CACNA2D3: variants seen among roughly 807,000 people sequenced by gnomAD.
The protein encoded by CACNA2D3 is voltage-dependent calcium channel subunit alpha-2/delta-3.
A neutral mutation model predicts 160.6 loss-of-function variants in CACNA2D3; 60 were observed. The observed-to-expected ratio is 0.37, with a 90% CI of 0.30 to 0.46. CACNA2D3 has a LOEUF of 0.46. CACNA2D3 is among the 20% of genes least tolerant of loss of function. The pLI, the probability that CACNA2D3 is intolerant of heterozygous loss-of-function variation, is 1.00. For missense variants in CACNA2D3, 1,205 were observed against 1,365.0 expected, an observed-to-expected ratio of 0.88 and a Z score of 1.85; for synonymous variants, 558 against 492.9, an observed-to-expected ratio of 1.13 and a Z score of -1.75.
chr3:54,216,319 C>T lies in CACNA2D3; in HGVS notation c.204+92725C>T, dbSNP rs377398405. 5.5e-4 allele frequency among the ~76,000 whole-genome samples: 84 copies of T among 152,332 alleles called. 2 individuals carry two copies. The South Asian group carries it at 0.014, about 25-fold the overall frequency. On this transcript the variant is annotated intron_variant, in intron 2 of 37. Transcript: ENST00000474759. ...AATCTTCTTGCAATAATACACTTCA[C>T]GTTTCAGTGATGTTTAAAAGTGCGT...
intron 2 of CACNA2D3, among the ~76,000 whole-genome samples, chr3:54,278,684 G>A (rs1005826616): frequency 4.6e-5 from 7 of 152,138 alleles, no homozygotes; most frequent in Non-Finnish European, 7.4e-5. Context: ...GTCCTTTGCA[G>A]GGACATGGAT....
At chr3:55,032,503 C>G (rs1021431292) in intron 35 of CACNA2D3, among the ~76,000 whole-genome samples, 3 of 152,158 alleles carry the variant, frequency 2.0e-5, no homozygotes, top group Non-Finnish European at 4.4e-5. Context: ...TTAATCATCT[C>G]TTTCTTAGTC....
chr3:54,133,418 C>T (rs1699756708), intron 2 of CACNA2D3, among the ~76,000 whole-genome samples: 1 of 152,174 alleles, frequency 6.6e-6, no homozygotes, highest in South Asian at 2.1e-4. Flanking sequence ...GAGCTGTTGT[C>T]AGGTCAGAGG....
intron 17 of CACNA2D3, among the ~76,000 whole-genome samples, chr3:54,860,918 C>A (rs1284462763): frequency 1.3e-5 from 2 of 152,176 alleles, no homozygotes; most frequent in Non-Finnish European, 2.9e-5. Context: ...CCTAAAACAT[C>A]TAGAAAAGGC....
intron 9 of CACNA2D3, among the ~76,000 whole-genome samples, chr3:54,599,369 A>G (rs1703020842): frequency 6.6e-6 from 1 of 152,228 alleles, no homozygotes; most frequent in African/African-American, 2.4e-5. Flanking sequence ...TAGATCAAAA[A>G]GTGGTCAAAT....
chr3:54,683,829 C>CT lies in CACNA2D3; in HGVS notation c.1167+41588_1167+41589insT, dbSNP rs576709743. Reference sequence around the variant, plus strand: ...GAAAACTCTAGAGAAGAGTTTGTTCCATGCATTGCTCCTAGCTTCTAGTGG... The same window carrying CT: ...GAAAACTCTAGAGAAGAGTTTGTTCCTATGCATTGCTCCTAGCTTCTAGTGG... On this transcript the variant is annotated intron_variant, in intron 11 of 37. Coordinates refer to ENST00000474759, the MANE Select transcript of CACNA2D3 (RefSeq NM_018398.3). 4.2e-4 allele frequency among the ~76,000 whole-genome samples: 64 copies of CT among 152,252 alleles called. No individual in the cohort carries two copies. In the East Asian group the frequency reaches 0.012, roughly 28 times the overall value.
rs1399648131 is a variant in CACNA2D3, at chr3:54,614,076, G to C, written c.964-13711G>C. Among the ~76,000 whole-genome samples, 3 of 152,332 alleles carry C rather than the reference G, an allele frequency of 2.0e-5. No individual in the cohort carries two copies. The East Asian group carries it at 5.8e-4, about 29-fold the overall frequency. On this transcript the variant is annotated intron_variant, in intron 9 of 37. Coordinates refer to ENST00000474759, the MANE Select transcript of CACNA2D3 (RefSeq NM_018398.3). ...TTGTTCAATTGATCAAGCACAGCAT[G>C]TTGTACTTGGTGGCTTCTTAATAAA...
chr3:54,414,601 T>C (rs1018619049), intron 4 of CACNA2D3, among the ~76,000 whole-genome samples: 2 of 152,096 alleles, frequency 1.3e-5, no homozygotes, highest in African/African-American at 4.8e-5. Context: ...TTATTCCTAA[T>C]TGCATGAATA....
At chr3:54,588,378 G>C (rs1482885066) in intron 9 of CACNA2D3, among the ~76,000 whole-genome samples, 1 of 152,204 alleles carries the variant, frequency 6.6e-6, no homozygotes. Context: ...AACAGGGAAA[G>C]TTTGAAAGCT....
intron 2 of CACNA2D3, among the ~76,000 whole-genome samples, chr3:54,194,477 C>T (rs1701037881): frequency 6.6e-6 from 1 of 152,192 alleles, no homozygotes; most frequent in African/African-American, 2.4e-5. Context: ...CTGTCTCCCA[C>T]CTCCTTGTCT....
At chr3:55,028,357 A>T (rs1327919512) in intron 35 of CACNA2D3, among the ~76,000 whole-genome samples, 1 of 152,196 alleles carries the variant, frequency 6.6e-6, no homozygotes, top group Non-Finnish European at 1.5e-5. Flanking sequence ...TAAGAATGTC[A>T]TTAGGGTTGG....
chr3:54,966,488 C>G (rs1372338286), intron 27 of CACNA2D3, among the ~76,000 whole-genome samples: 1 of 152,202 alleles, frequency 6.6e-6, no homozygotes, highest in African/African-American at 2.4e-5. Flanking sequence ...AGCCATCCCC[C>G]ACCTTGGCTG....
intron 9 of CACNA2D3, 92 bp downstream of exon 9, chr3:54,581,969 A>G: frequency 9.4e-7 from 1 of 1,065,796 alleles, no homozygotes; most frequent in Non-Finnish European, 1.4e-6. Flanking sequence ...TATCAAATGC[A>G]CTGCCCTTTC....
At chr3:54,425,844 C>G (rs1040870910) in intron 4 of CACNA2D3, among the ~76,000 whole-genome samples, 1 of 152,212 alleles carries the variant, frequency 6.6e-6, no homozygotes, top group African/African-American at 2.4e-5. Context: ...CAGACTAAAG[C>G]TTTTGGAGGT....
At chr3:54,276,362 A>C (rs953782102) in intron 2 of CACNA2D3, among the ~76,000 whole-genome samples, 3 of 152,166 alleles carry the variant, frequency 2.0e-5, no homozygotes, top group African/African-American at 7.2e-5. Flanking sequence ...TGAAACCAGG[A>C]GTTCAAGACC....
At chr3:54,827,366 C>T (rs555399463) in intron 14 of CACNA2D3, among the ~76,000 whole-genome samples, 2 of 152,284 alleles carry the variant, frequency 1.3e-5, no homozygotes, top group South Asian at 2.1e-4. Flanking sequence ...GAAAGGTAGG[C>T]GTGTGGATGG....
At chr3:54,791,886 C>A (rs1046302700) in intron 13 of CACNA2D3, among the ~76,000 whole-genome samples, 1 of 152,166 alleles carries the variant, frequency 6.6e-6, no homozygotes, top group Non-Finnish European at 1.5e-5. Flanking sequence ...GCATGTAGGA[C>A]TTTTCACATG....
intron 13 of CACNA2D3, among the ~76,000 whole-genome samples, chr3:54,808,484 G>T (rs941307500): frequency 3.3e-5 from 5 of 152,182 alleles, no homozygotes; most frequent in African/African-American, 4.8e-5. Flanking sequence ...AGTGGGAGAG[G>T]GGTGTAAATG....
rs750904394 is a variant in CACNA2D3, at chr3:54,925,067, A to G, written c.2449+25199A>G. 1.9e-5 allele frequency: 30 copies of G among 1,614,170 alleles called. No homozygotes were observed. The African/African-American group carries it at 3.6e-4, about 19-fold the overall frequency. ...GATTATCTTGTAAATGCAGCGTTCG[A>G]GTCTGAGGAGGTAAATGGGAAGGGA... On this transcript the variant is annotated intron_variant, in intron 27 of 37. Transcript: ENST00000474759.
Sources: allele counts gnomAD v4.1 joint callset (sites outside exome capture counted in the v4.1 genomes callset), GRCh38; gene constraint gnomAD v4.1.1; transcripts MANE v1.5; gene names NCBI Gene and HGNC (gene_info 2026-07-23, HGNC 2026-07-21).